ATG10: variants seen among roughly 807,000 people sequenced by gnomAD.
The protein encoded by ATG10 is autophagy related 10, also known as ubiquitin-like-conjugating enzyme ATG10.
ATG10 carries 30 observed loss-of-function variants against 32.1 expected under a neutral mutation model. The observed-to-expected ratio is 0.94, with a 90% confidence interval of 0.70 to 1.27. The LOEUF is 1.27. Ranked by LOEUF, ATG10 falls within the 50% of genes most tolerant of loss-of-function variation. The pLI, the probability that ATG10 is intolerant of heterozygous loss-of-function variation, is 0.00. For missense variants in ATG10, 233 were observed against 262.3 expected, an observed-to-expected ratio of 0.89 and a Z score of 0.77; for synonymous variants, 87 against 91.5, an observed-to-expected ratio of 0.95 and a Z score of 0.28.
chr5:82,098,641 G>C (rs1409240445), intron 3 of ATG10, among the ~76,000 whole-genome samples: 1 of 152,210 alleles, frequency 6.6e-6, no homozygotes, highest in South Asian at 2.1e-4. Flanking sequence ...GCAAACAAAG[G>C]GGTTATCGTT....
chr5:82,055,066 G>T (rs1763549413), intron 2 of ATG10, among the ~76,000 whole-genome samples: 1 of 151,968 alleles, frequency 6.6e-6, no homozygotes. Context: ...TTTTGAGTTT[G>T]CTTGTCTCTA....
At chr5:82,118,446 A>G (rs868763492) in intron 3 of ATG10, among the ~76,000 whole-genome samples, 13 of 124,672 alleles carry the variant, frequency 1.0e-4, no homozygotes, top group African/African-American at 3.6e-4. Context: ...GTGTCTGGCT[A>G]TATTAATGTT....
chr5:82,253,506 A>G, intron 7 of ATG10, 77 bp downstream of exon 7: 1 of 1,020,102 alleles, frequency 9.8e-7, no homozygotes, highest in Non-Finnish European at 1.5e-6. Flanking sequence ...TCATCCCACC[A>G]AATGCAAAAT....
Position 82,127,926 on chromosome 5 carries a change from G to T in ATG10, c.217-36473G>T, listed in dbSNP as rs891690093. 2.2e-3 allele frequency among the ~76,000 whole-genome samples: 334 copies of T among 152,096 alleles called. 2 individuals carry two copies. The highest frequency in any genetic ancestry group is 7.8e-3 in the African/African-American group (323 of 41,518). ...ATTGTGTGGGAGTCTAAGTCTCTTTGTAGGTCTCTAAGAACTTGCTTTATG... is the reference window on the plus strand; with the variant it reads ...ATTGTGTGGGAGTCTAAGTCTCTTTTTAGGTCTCTAAGAACTTGCTTTATG... On this transcript the variant is annotated intron_variant, in intron 3 of 7. Transcript: ENST00000282185.
intron 4 of ATG10, among the ~76,000 whole-genome samples, chr5:82,167,720 G>C (rs182774211): frequency 6.6e-6 from 1 of 152,136 alleles, no homozygotes; most frequent in African/African-American, 2.4e-5. Flanking sequence ...CTATAAACAC[G>C]TATTTTTATT....
chr5:82,051,906 C>T (rs747045382), intron 2 of ATG10, among the ~76,000 whole-genome samples: 9 of 152,268 alleles, frequency 5.9e-5, no homozygotes, highest in Middle Eastern at 3.4e-3. Context: ...CTTCTTTTTA[C>T]CCCAAGGTTA....
At chr5:82,164,072 T>C (rs923558602) in intron 3 of ATG10, among the ~76,000 whole-genome samples, 1 of 152,216 alleles carries the variant, frequency 6.6e-6, no homozygotes, top group Non-Finnish European at 1.5e-5. Flanking sequence ...GTAGCTTATA[T>C]AGCCATCATC....
At chr5:82,040,143 G>C (rs1205797702) in intron 2 of ATG10, among the ~76,000 whole-genome samples, 1 of 152,132 alleles carries the variant, frequency 6.6e-6, no homozygotes, top group African/African-American at 2.4e-5. Context: ...CATTCCCCTG[G>C]GATTAGCTGA....
intron 3 of ATG10, among the ~76,000 whole-genome samples, chr5:82,064,070 A>T (rs1763868309): frequency 6.6e-6 from 1 of 152,254 alleles, no homozygotes; most frequent in African/African-American, 2.4e-5. Context: ...TGTACAAATT[A>T]TCAAATTTAG....
chr5:82,070,781 C>T (rs1764105594), intron 3 of ATG10, among the ~76,000 whole-genome samples: 1 of 152,102 alleles, frequency 6.6e-6, no homozygotes, highest in African/African-American at 2.4e-5. Context: ...TTCTTTCACT[C>T]CCAGGTTTTG....
At chr5:82,184,108 T>C (rs1417616294) in intron 5 of ATG10, among the ~76,000 whole-genome samples, 1 of 152,160 alleles carries the variant, frequency 6.6e-6, no homozygotes, top group African/African-American at 2.4e-5. Flanking sequence ...TGGGAAATGG[T>C]AGTGCCTTTA....
rs145809987 is a variant in ATG10, at chr5:82,080,411, G to A, written c.216+21809G>A. The stretch of plus-strand genomic sequence containing the variant: ...TTTGGCTTTTGTTGCCATTGCTTTT[G>A]GTGTTTTAGACATGAAGTCCTTGCC... On this transcript the variant is annotated intron_variant, in intron 3 of 7. Transcript: ENST00000282185. Among the ~76,000 whole-genome samples, 798 of 152,204 alleles carry A rather than the reference G, an allele frequency of 5.2e-3. 6 individuals carry two copies. The highest frequency in any genetic ancestry group is 0.018 in the African/African-American group (752 of 41,522).
intron 4 of ATG10, among the ~76,000 whole-genome samples, chr5:82,170,790 C>CA (rs1047245134): frequency 4.1e-4 from 61 of 150,318 alleles, no homozygotes; most frequent in East Asian, 2.5e-3. Flanking sequence ...TACTAAAATA[C>CA]AAAAAAAAAT....
chr5:82,179,217 T>C (rs576329211), intron 5 of ATG10, among the ~76,000 whole-genome samples: 1 of 152,264 alleles, frequency 6.6e-6, no homozygotes, highest in East Asian at 1.9e-4. Flanking sequence ...TAAAAATTGT[T>C]AAGCTGGACC....
chr5:82,085,760 C>G (rs1242831663), intron 3 of ATG10, among the ~76,000 whole-genome samples: 1 of 152,066 alleles, frequency 6.6e-6, no homozygotes. Flanking sequence ...TATTTGCACA[C>G]ACTAGGTACA....
chr5:82,007,904 T>A (rs896212221), intron 2 of ATG10, among the ~76,000 whole-genome samples: 6 of 152,248 alleles, frequency 3.9e-5, no homozygotes, highest in African/African-American at 1.4e-4. Flanking sequence ...CACTTAAAAT[T>A]TTAATCTTTA....
intron 1 of ATG10, among the ~76,000 whole-genome samples, chr5:81,983,049 A>G (rs1270553612): frequency 1.3e-5 from 2 of 152,038 alleles, no homozygotes; most frequent in African/African-American, 4.8e-5. Context: ...ATCATGGCCC[A>G]TTCTCAATGA....
At chr5:82,056,433 T>TC (rs1763598474) in intron 2 of ATG10, among the ~76,000 whole-genome samples, 1 of 150,826 alleles carries the variant, frequency 6.6e-6, no homozygotes, top group Non-Finnish European at 1.5e-5. Flanking sequence ...TGCCAGGTTT[T>TC]TTTTTTTTTT....
rs187802132 is a variant in ATG10, at chr5:82,200,720, T to C, written c.453+22133T>C. Among the ~76,000 whole-genome samples, 65 of 151,484 alleles carry C rather than the reference T, an allele frequency of 4.3e-4. 1 individual carries two copies. The highest frequency in any genetic ancestry group is 3.8e-3 in the Admixed American group (58 of 15,242). Reference sequence around the variant, plus strand: ...TTATTGTTGGGTTTTGACAGTTCTTTACGTATTCCAGATATAAGTCCTTTG... The same window carrying C: ...TTATTGTTGGGTTTTGACAGTTCTTCACGTATTCCAGATATAAGTCCTTTG... On this transcript the variant is annotated intron_variant, in intron 5 of 7. Coordinates refer to ENST00000282185, the MANE Select transcript of ATG10 (RefSeq NM_031482.5).
Sources: allele counts gnomAD v4.1 joint callset (sites outside exome capture counted in the v4.1 genomes callset), GRCh38; gene constraint gnomAD v4.1.1; transcripts MANE v1.5; gene names NCBI Gene and HGNC (gene_info 2026-07-23, HGNC 2026-07-21).